APBB1: variants seen among roughly 807,000 people sequenced by gnomAD.
The protein encoded by APBB1 is amyloid beta precursor protein binding family B member 1, also known as adaptor protein FE65a2.
A neutral mutation model predicts 78.4 loss-of-function variants in APBB1; 22 were observed. The observed-to-expected ratio is 0.28, with a 90% confidence interval of 0.20 to 0.40. The LOEUF (loss-of-function observed/expected upper bound fraction) is 0.40. Among genes scored for constraint, APBB1 ranks in the 10% least tolerant of loss-of-function variants. The pLI is 1.00. For missense variants in APBB1, 749 were observed against 932.4 expected (o/e 0.80, Z 2.56); for synonymous variants, 369 against 372.7 (o/e 0.99, Z 0.12).
Position 6,401,052 on chromosome 11 carries a change from T to C in APBB1, c.1609A>G (p.Asn537Asp). The C allele has an allele frequency of 6.2e-7, 1 of 1,614,028 alleles. No individual in the cohort carries two copies. Among genetic ancestry groups the C allele is most frequent in the Non-Finnish European group, 8.5e-7 (1 of 1,179,994 alleles). Residue 537 changes from asparagine to aspartate, a missense_variant, in exon 12 of 15, where the codon AAT becomes GAT. By Grantham distance (23) the Asn-to-Asp change is conservative. This residue lies in a region of APBB1 where 635 missense variants were observed against 765.0 expected (regional missense o/e 0.83). Transcript: ENST00000609360. This position sits in a 1 kb window ranked among gnomAD's most constrained non-coding sequence, Gnocchi z 4.5. ...PFQVEFPAPK[N>D]ELVQKFQVYY... ...ACTTGGAACTTCTGGACCAACTCATTCTTAGGCGCTGGGAATTCCACTATG... is the reference window on the plus strand; with the variant it reads ...ACTTGGAACTTCTGGACCAACTCATCCTTAGGCGCTGGGAATTCCACTATG...
rs965645336 is a variant in APBB1, at chr11:6,419,040, G to C, written c.-70C>G. 5.1e-6 allele frequency: 2 copies of C among 392,944 alleles called. No homozygotes were observed. Among genetic ancestry groups the C allele is most frequent in the Non-Finnish European group, 9.0e-6 (2 of 222,320 alleles). 24.3% of individuals were successfully genotyped at this position (392,944 alleles called of 1,614,324 possible). On this transcript the variant is annotated 5_prime_UTR_variant, in exon 1 of 15. Transcript: ENST00000609360. ...GGAGGTGGCTCAGGCTGCGGGGTTC[G>C]GGCTCCGCCGCGGCTTCTCCATCAC...
intron 7 of APBB1, 154 bp from the exon 8 acceptor site, chr11:6,402,363 C>G: frequency 1.7e-6 from 2 of 1,184,694 alleles, no homozygotes; most frequent in Non-Finnish European, 2.3e-6. Context: ...GTGGAGGTCA[C>G]GTGTCATCTC....
At chr11:6,397,963 T>C (rs1262480896) in intron 12 of APBB1, among the ~76,000 whole-genome samples, 1 of 152,158 alleles carries the variant, frequency 6.6e-6, no homozygotes, top group African/African-American at 2.4e-5. Context: ...GTTTATGACA[T>C]TTAGGCCAGG....
At chr11:6,419,298 C>G (rs1303046525), upstream of APBB1, 16 of 269,284 alleles carry the variant, frequency 5.9e-5, no homozygotes, top group Non-Finnish European at 1.0e-4. Flanking sequence ...CTCCCTGGGA[C>G]CCCCGCCTAG....
In APBB1 at chr11:6,402,122, T is replaced by C; in HGVS notation, c.1342A>G (p.Ile448Val). 2 of 1,614,140 alleles carry C rather than the reference T, an allele frequency of 1.2e-6. No homozygotes were observed. Among genetic ancestry groups the C allele is most frequent in the Non-Finnish European group, 1.7e-6 (2 of 1,180,008 alleles). The part of the protein sequence containing the change: ...SQALLHAQPI[I>V]SIRVWGVGRD... ...CCGACGCCCCACACGCGGATGCTGATGATGGGTTGGGCGTGCAGCAGTGCC... is the reference window on the plus strand; with the variant it reads ...CCGACGCCCCACACGCGGATGCTGACGATGGGTTGGGCGTGCAGCAGTGCC... Residue 448 changes from isoleucine (I) to valine (V), a missense_variant, in exon 8 of 15, where the codon ATC becomes GTC. Transcript: ENST00000609360.
chr11:6,407,803 C>T (rs980929857), intron 2 of APBB1, among the ~76,000 whole-genome samples: 1 of 146,746 alleles, frequency 6.8e-6, no homozygotes, highest in South Asian at 2.1e-4. Flanking sequence ...GACGGAGTCT[C>T]GCTCTGTCGC....
chr11:6,403,677 T>C lies in APBB1; in HGVS notation c.867A>G (p.Ser289=), dbSNP rs1210707528. The change falls in exon 3 of 15, where the codon TCA becomes TCG. Residue 289 remains serine, a synonymous_variant. Transcript: ENST00000609360. The surrounding 1 kb of genome is among the most constrained non-coding windows in gnomAD (Gnocchi z 5.3). ...ACTCCTCTTGGGGGCTGCTCCCCTG[T>C]GAGGGGGAGGCCCGGCCGGGGGGTT... ...QWEPPGRASP[S]QGSSPQEESQ... is the part of the protein sequence containing the mutation. 2.5e-6 allele frequency: 4 copies of C among 1,608,600 alleles called. No individual in the cohort carries two copies. The South Asian group carries it at 4.4e-5, about 18-fold the overall frequency.
chr11:6,405,493 G>C (rs1848765014), intron 2 of APBB1: 1 of 986,766 alleles, frequency 1.0e-6, no homozygotes, highest in Non-Finnish European at 1.2e-6. Flanking sequence ...GGGAAACCAG[G>C]AATCCTGACT....
intron 2 of APBB1, chr11:6,404,649 A>C: frequency 6.5e-7 from 1 of 1,536,196 alleles, no homozygotes; most frequent in Non-Finnish European, 8.7e-7. Context: ...GCAGAGCCAC[A>C]CCACTCCAAC....
chr11:6,411,468 A>G lies in APBB1; in HGVS notation c.-14-107T>C. 1 of 955,376 alleles carries G rather than the reference A, an allele frequency of 1.0e-6. No homozygotes were observed. The highest frequency in any genetic ancestry group is 1.7e-5 in the South Asian group (1 of 59,296). 59.2% of individuals were successfully genotyped at this position (955,376 alleles called of 1,614,324 possible). The stretch of plus-strand genomic sequence containing the variant: ...TGTGCCTCCTCATCTCCCTGCACTA[A>G]GCAGGCTAGCACCCATGGCTCTCTA... On this transcript the variant is annotated intron_variant, in intron 1 of 14. Coordinates refer to ENST00000609360, the MANE Select transcript of APBB1 (RefSeq NM_001164.5). The surrounding 1 kb of genome is among the most constrained non-coding windows in gnomAD (Gnocchi z 5.2).
chr11:6,402,324 A>C (rs1848566480), intron 7 of APBB1, 115 bp from the exon 8 acceptor site: 7 of 1,466,656 alleles, frequency 4.8e-6, no homozygotes, highest in Non-Finnish European at 6.4e-6. Flanking sequence ...CTTTGGTGTC[A>C]GACCGCCCGC....
chr11:6,404,049 T>C, intron 2 of APBB1: 2 of 453,248 alleles, frequency 4.4e-6, no homozygotes, highest in Non-Finnish European at 3.9e-6. Context: ...TGGTGGCTAA[T>C]GTGGCCACAC....
rs1439129717 is a variant in APBB1 at position 6,402,688 on chromosome 11, G to A, written c.1142C>T (p.Thr381Ile). Residue 381 changes from threonine (T) to isoleucine (I), a missense_variant, in exon 7 of 15, where the codon ACC (threonine) becomes ATC (isoleucine). Physicochemically the swap from Thr to Ile is moderately conservative, Grantham distance 89. Transcript: ENST00000609360. ...GCGTCCAGGGGCCAGCTCCTCCTCGGTCATCTCTACCCAGCCTAGGGAGCG... is the reference window on the plus strand; with the variant it reads ...GCGTCCAGGGGCCAGCTCCTCCTCGATCATCTCTACCCAGCCTAGGGAGCG... Reference protein sequence around the residue: ...AVRSLGWVEMTEEELAPGRSS... With the variant: ...AVRSLGWVEMIEEELAPGRSS... 2 of 1,614,138 alleles carry A rather than the reference G, an allele frequency of 1.2e-6. No individual in the cohort carries two copies. The highest frequency in any genetic ancestry group is 2.2e-5 in the East Asian group (1 of 44,874).
At chr11:6,406,122 T>A (rs1590783073) in intron 2 of APBB1, among the ~76,000 whole-genome samples, 2 of 152,170 alleles carry the variant, frequency 1.3e-5, no homozygotes, top group South Asian at 4.1e-4. Context: ...GCTTGGCACA[T>A]CTCCCTCCAA....
At chr11:6,404,840 C>T (rs1218446615) in intron 2 of APBB1, 4 of 1,532,676 alleles carry the variant, frequency 2.6e-6, no homozygotes, top group Non-Finnish European at 3.5e-6. Context: ...TCCCTCCTCA[C>T]AGCCCCTCCA....
At chr11:6,405,007 G>T (rs80117077) in intron 2 of APBB1, 5 of 1,425,920 alleles carry the variant, frequency 3.5e-6, no homozygotes, top group East Asian at 5.0e-5. Context: ...AATCTCCTTG[G>T]GGGGTGGGGA....
At chr11:6,406,497 C>T (rs951987011) in intron 2 of APBB1, among the ~76,000 whole-genome samples, 2 of 152,138 alleles carry the variant, frequency 1.3e-5, no homozygotes, top group African/African-American at 4.8e-5. Context: ...CCAAATGATT[C>T]TTCTGAGATG....
At chr11:6,414,174 C>T (rs907245312) in intron 1 of APBB1, among the ~76,000 whole-genome samples, 2 of 152,154 alleles carry the variant, frequency 1.3e-5, no homozygotes, top group Non-Finnish European at 2.9e-5. Flanking sequence ...CCACATGAAG[C>T]GTGGCGGATT....
chr11:6,404,315 C>T (rs1848687022), intron 2 of APBB1, among the ~76,000 whole-genome samples: 1 of 152,200 alleles, frequency 6.6e-6, no homozygotes, highest in African/African-American at 2.4e-5. Flanking sequence ...CACAGGTGCA[C>T]ATGTATGTGC....
Sources: allele counts gnomAD v4.1 joint callset (sites outside exome capture counted in the v4.1 genomes callset), GRCh38; gene constraint gnomAD v4.1.1; regional missense constraint gnomAD v4.1.1; non-coding constraint Gnocchi (gnomAD v3.1); transcripts MANE v1.5; gene names NCBI Gene and HGNC (gene_info 2026-07-23, HGNC 2026-07-21).